GADL1: variants seen among roughly 807,000 people sequenced by gnomAD.
GADL1 encodes the protein acidic amino acid decarboxylase GADL1.
GADL1 carries 71 observed loss-of-function variants against 69.5 expected under a neutral mutation model. That is an observed-to-expected ratio of 1.02 (90% CI 0.84 to 1.25). The LOEUF (loss-of-function observed/expected upper bound fraction) is 1.25, where lower values mean the gene tolerates loss of function less well. GADL1 is among the 50% of genes most tolerant of loss of function. GADL1 has a pLI of 0.00. For synonymous variants in GADL1, 254 were observed against 214.4 expected, an observed-to-expected ratio of 1.18 and a Z score of -1.62; for missense variants, 737 against 631.8, an observed-to-expected ratio of 1.17 and a Z score of -1.79.
intron 1 of GADL1, among the ~76,000 whole-genome samples, chr3:30,885,344 T>C (rs1698689100): frequency 6.6e-6 from 1 of 152,094 alleles, no homozygotes; most frequent in Admixed American, 6.6e-5. Flanking sequence ...CATTTTAGAT[T>C]CCAATGTAAG....
intron 14 of GADL1, among the ~76,000 whole-genome samples, chr3:30,762,180 G>A (rs751446604): frequency 2.6e-5 from 4 of 152,112 alleles, no homozygotes; most frequent in Non-Finnish European, 5.9e-5. Flanking sequence ...GTTTATGCAA[G>A]GCCTCTAACA....
chr3:30,747,313 C>T (rs1372864703), intron 14 of GADL1, among the ~76,000 whole-genome samples: 1 of 152,186 alleles, frequency 6.6e-6, no homozygotes, highest in Non-Finnish European at 1.5e-5. Flanking sequence ...AGACCTTAGA[C>T]ACACCACGAG....
chr3:30,844,898 C>A (rs1208952635), intron 6 of GADL1, among the ~76,000 whole-genome samples: 2 of 152,162 alleles, frequency 1.3e-5, no homozygotes, highest in Non-Finnish European at 2.9e-5. Context: ...AGTAAAGTTT[C>A]TCCTGATGCT....
At chr3:30,772,552 C>T (rs1249828767) in intron 14 of GADL1, among the ~76,000 whole-genome samples, 2 of 152,096 alleles carry the variant, frequency 1.3e-5, no homozygotes, top group Non-Finnish European at 2.9e-5. Context: ...AGCAAAGATA[C>T]AAACTTATTT....
chr3:30,825,884 A>G (rs1328378166), intron 11 of GADL1, among the ~76,000 whole-genome samples: 1 of 151,944 alleles, frequency 6.6e-6, no homozygotes, highest in African/African-American at 2.4e-5. Flanking sequence ...GCACATGTAT[A>G]CCTATATAAC....
At chr3:30,786,970 C>T (rs1292615087) in intron 12 of GADL1, among the ~76,000 whole-genome samples, 1 of 152,114 alleles carries the variant, frequency 6.6e-6, no homozygotes, top group Non-Finnish European at 1.5e-5. Context: ...ACTGCATGTT[C>T]TTGCTTATAA....
rs1284818237 is a variant in GADL1, at chr3:30,741,829, T to C, written c.1393-13414A>G. On this transcript the variant is annotated intron_variant, in intron 14 of 14. Coordinates refer to ENST00000282538, the MANE Select transcript of GADL1 (RefSeq NM_207359.3). ...GAGATTTCTTGAATGAGAGAGGGCT[T>C]GTGGCACACTAATCACCAGTGGGGT... Among the ~76,000 whole-genome samples the C allele has an allele frequency of 2.6e-5, 4 of 152,202 alleles. No homozygotes were observed. The East Asian group carries it at 7.7e-4, about 29-fold the overall frequency.
intron 1 of GADL1, among the ~76,000 whole-genome samples, chr3:30,881,742 T>G (rs1698645371): frequency 6.6e-6 from 1 of 151,950 alleles, no homozygotes; most frequent in Non-Finnish European, 1.5e-5. Context: ...ATGGTTTGAA[T>G]GCTTGTCTCC....
intron 1 of GADL1, among the ~76,000 whole-genome samples, chr3:30,881,377 C>T (rs564559286): frequency 1.2e-3 from 175 of 151,892 alleles, no homozygotes; most frequent in African/African-American, 4.1e-3. Context: ...CAGAGGCAAC[C>T]TAAATTACAC....
At chr3:30,857,873 T>C (rs933712753) in intron 2 of GADL1, among the ~76,000 whole-genome samples, 1 of 152,024 alleles carries the variant, frequency 6.6e-6, no homozygotes, top group African/African-American at 2.4e-5. Flanking sequence ...CGAGGGAGGT[T>C]CCCATACTGG....
chr3:30,825,925 A>T (rs1000588056), intron 11 of GADL1, among the ~76,000 whole-genome samples: 1 of 151,980 alleles, frequency 6.6e-6, no homozygotes, highest in African/African-American at 2.4e-5. Context: ...TGTATCCCAG[A>T]ACTTAAAAAT....
chr3:30,744,156 G>C (rs1447849924), intron 14 of GADL1, among the ~76,000 whole-genome samples: 1 of 152,166 alleles, frequency 6.6e-6, no homozygotes, highest in Non-Finnish European at 1.5e-5. Flanking sequence ...GGTATATTTG[G>C]TTAGATCTAG....
At chr3:30,805,905 G>A (rs142122833) in intron 11 of GADL1, among the ~76,000 whole-genome samples, 34 of 151,798 alleles carry the variant, frequency 2.2e-4, no homozygotes, top group African/African-American at 5.6e-4. Flanking sequence ...TCCCTCTTAC[G>A]CACGGTTCAC....
At chr3:30,793,076 T>C (rs1696955817) in intron 12 of GADL1, among the ~76,000 whole-genome samples, 1 of 152,152 alleles carries the variant, frequency 6.6e-6, no homozygotes, top group Admixed American at 6.6e-5. Context: ...TTCGAATCTC[T>C]AGGAGAGGAA....
chr3:30,737,257 T>C (rs550011104), intron 14 of GADL1, among the ~76,000 whole-genome samples: 2 of 152,086 alleles, frequency 1.3e-5, no homozygotes, highest in East Asian at 3.9e-4. Flanking sequence ...AAAGGTGAGG[T>C]TGGAGGTAAG....
chr3:30,794,108 C>G (rs1471222706), intron 12 of GADL1, among the ~76,000 whole-genome samples: 1 of 152,196 alleles, frequency 6.6e-6, no homozygotes, highest in Admixed American at 6.6e-5. Flanking sequence ...GAGAAATACA[C>G]TGGCACAAAA....
At chr3:30,740,084 C>G (rs977258900) in intron 14 of GADL1, among the ~76,000 whole-genome samples, 2 of 152,088 alleles carry the variant, frequency 1.3e-5, no homozygotes, top group South Asian at 4.2e-4. Flanking sequence ...GGGCTACAGG[C>G]TACAGAGGGA....
intron 14 of GADL1, among the ~76,000 whole-genome samples, chr3:30,731,396 G>C (rs910044155): frequency 6.6e-6 from 1 of 152,132 alleles, no homozygotes; most frequent in African/African-American, 2.4e-5. Context: ...TATCTTTGGA[G>C]AGCATTAGAA....
chr3:30,882,118 C>T (rs1304762145), intron 1 of GADL1, among the ~76,000 whole-genome samples: 1 of 150,768 alleles, frequency 6.6e-6, no homozygotes, highest in Non-Finnish European at 1.5e-5. Context: ...CTTTTCTATC[C>T]TTAAAATATT....
Sources: allele counts gnomAD v4.1 joint callset (sites outside exome capture counted in the v4.1 genomes callset), GRCh38; gene constraint gnomAD v4.1.1; transcripts MANE v1.5; gene names NCBI Gene and HGNC (gene_info 2026-07-23, HGNC 2026-07-21).